CCDC178: variants seen among roughly 807,000 people sequenced by gnomAD.
CCDC178 encodes coiled-coil domain-containing protein 178.
A neutral mutation model predicts 117.4 loss-of-function variants in CCDC178; 126 were observed. The observed-to-expected ratio is 1.07, with a 90% CI of 0.93 to 1.24. The LOEUF (loss-of-function observed/expected upper bound fraction) is 1.24. Among genes scored for constraint, CCDC178 ranks in the 50% most tolerant of loss-of-function variants. The pLI, the probability that CCDC178 is intolerant of heterozygous loss-of-function variation, is 0.00. For synonymous variants in CCDC178, 283 were observed against 313.4 expected (o/e 0.90, Z 1.02); for missense variants, 1,030 against 986.9 (o/e 1.04, Z -0.59).
At chr18:32,940,919 T>A (rs576643694) in intron 22 of CCDC178, among the ~76,000 whole-genome samples, 1 of 152,038 alleles carries the variant, frequency 6.6e-6, no homozygotes, top group Non-Finnish European at 1.5e-5. Context: ...AAGAACGTTC[T>A]TGAGGTGCTC....
chr18:33,025,387 AATG>A (rs2056206992), intron 21 of CCDC178, among the ~76,000 whole-genome samples: 1 of 152,212 alleles, frequency 6.6e-6, no homozygotes, highest in Admixed American at 6.5e-5. Flanking sequence ...AGAAGGAAGA[AATG>A]ATAAGTTGGA....
At chr18:33,175,939 A>G (rs1337237543) in intron 20 of CCDC178, among the ~76,000 whole-genome samples, 3 of 151,832 alleles carry the variant, frequency 2.0e-5, no homozygotes, top group Non-Finnish European at 4.4e-5. Context: ...ACTTTTTCAT[A>G]CTCTTCATAG....
In CCDC178 at chr18:33,267,257, T is replaced by C. The variant is rs2059830585; in HGVS notation, c.1217A>G (p.Lys406Arg). 41 of 1,606,070 alleles carry C rather than the reference T, an allele frequency of 2.6e-5. No individual in the cohort carries two copies. Among genetic ancestry groups the C allele is most frequent in the Non-Finnish European group, 3.5e-5 (41 of 1,177,350 alleles). Reference protein sequence around the residue: ...LRRVYDQLTWKQKSHENQYLE... With the variant: ...LRRVYDQLTWRQKSHENQYLE... ...ATACTGATTTTCATGACTTTTTTGC[T>C]TCCAGGTTAGTTGGTCATAAACTCT... The change falls in exon 13 of 23, where the codon AAG becomes AGG. Residue 406 changes from lysine (K) to arginine (R), a missense_variant. Physicochemically the swap from Lys to Arg is conservative, Grantham distance 26. Transcript: ENST00000383096.
chr18:33,073,142 T>A (rs2145003406), intron 21 of CCDC178, among the ~76,000 whole-genome samples: 1 of 151,700 alleles, frequency 6.6e-6, no homozygotes, highest in East Asian at 1.9e-4. Context: ...CATTTTTATA[T>A]CATAAAATAA....
chr18:33,212,015 G>A lies in CCDC178; in HGVS notation c.2119C>T (p.Gln707Ter), dbSNP rs2144590504. The change falls in exon 20 of 23, where the codon CAA (glutamine) becomes TAA (stop). Residue 707 changes from glutamine to a stop codon, truncating the protein, a stop_gained. Coordinates refer to ENST00000383096, the MANE Select transcript of CCDC178 (RefSeq NM_001105528.4). LOFTEE classifies it high-confidence loss of function. Reference sequence around the variant, plus strand: ...TGCATATAATGATCAAACACAGTTTGTGCATGTTCCCTTTTAAATCTCATA... The same window carrying A: ...TGCATATAATGATCAAACACAGTTTATGCATGTTCCCTTTTAAATCTCATA... ...ITMRFKREHA[Q>*]TVFDHYMQEK... The A allele has an allele frequency of 6.2e-7, 1 of 1,600,336 alleles. No homozygotes were observed. The highest frequency in any genetic ancestry group is 8.5e-7 in the Non-Finnish European group (1 of 1,174,670).
intron 20 of CCDC178, among the ~76,000 whole-genome samples, chr18:33,172,869 C>G (rs271467): frequency 0.089 from 13,596 of 152,072 alleles, 728 homozygotes; most frequent in African/African-American, 0.15. Context: ...ACATTTAGGT[C>G]TTTCTATCTT....
At chr18:33,229,553 CAGAG>C (rs1465791197) in intron 15 of CCDC178, among the ~76,000 whole-genome samples, 1 of 152,106 alleles carries the variant, frequency 6.6e-6, no homozygotes, top group Non-Finnish European at 1.5e-5. Flanking sequence ...GGAAAACTGA[CAGAG>C]AGATTACATA....
chr18:33,361,383 A>G (rs2063125775), intron 6 of CCDC178, among the ~76,000 whole-genome samples: 1 of 151,734 alleles, frequency 6.6e-6, no homozygotes, highest in Non-Finnish European at 1.5e-5. Context: ...AAGCCATAAA[A>G]CTCCTAGAAA....
intron 2 of CCDC178, among the ~76,000 whole-genome samples, chr18:33,417,533 T>TAC (rs1491256125): frequency 2.5e-5 from 1 of 39,448 alleles, no homozygotes; most frequent in African/African-American, 6.9e-5. Flanking sequence ...CACAGAGCTG[T>TAC]ATACACACAC....
chr18:33,086,907 A>G (rs1042682507), intron 21 of CCDC178, among the ~76,000 whole-genome samples: 1 of 151,512 alleles, frequency 6.6e-6, no homozygotes, highest in African/African-American at 2.4e-5. Context: ...AGGCAACCAA[A>G]AATGTCTCCG....
At chr18:32,995,803 A>G (rs1293196953) in intron 21 of CCDC178, among the ~76,000 whole-genome samples, 1 of 152,058 alleles carries the variant, frequency 6.6e-6, no homozygotes, top group Non-Finnish European at 1.5e-5. Flanking sequence ...CAAATTAGAA[A>G]AGCATAAAAA....
chr18:33,149,527 C>T (rs1297764363), intron 20 of CCDC178, among the ~76,000 whole-genome samples: 1 of 152,092 alleles, frequency 6.6e-6, no homozygotes, highest in Non-Finnish European at 1.5e-5. Flanking sequence ...TGTCATCTAC[C>T]AACACTATCA....
At chr18:33,075,507 C>G (rs189948312) in intron 21 of CCDC178, among the ~76,000 whole-genome samples, 4 of 151,988 alleles carry the variant, frequency 2.6e-5, no homozygotes, top group Non-Finnish European at 4.4e-5. Flanking sequence ...ATTTCCATAT[C>G]AAAACATTTT....
chr18:33,060,184 T>C (rs182676542), intron 21 of CCDC178, among the ~76,000 whole-genome samples: 106 of 152,278 alleles, frequency 7.0e-4, no homozygotes, highest in African/African-American at 2.3e-3. Context: ...GTATTATTTA[T>C]GAACAAAAGC....
At chr18:33,024,628 T>C (rs1051697762) in intron 21 of CCDC178, among the ~76,000 whole-genome samples, 13 of 151,858 alleles carry the variant, frequency 8.6e-5, no homozygotes, top group African/African-American at 3.1e-4. Flanking sequence ...ATAGGAACAC[T>C]TATTTATTAT....
chr18:33,290,586 T>A (rs960297667), intron 12 of CCDC178, among the ~76,000 whole-genome samples: 2 of 152,050 alleles, frequency 1.3e-5, no homozygotes, highest in South Asian at 4.1e-4. Context: ...TAACAAAAAA[T>A]TTTAAATAAA....
intron 20 of CCDC178, among the ~76,000 whole-genome samples, chr18:33,171,630 G>T (rs1376805795): frequency 6.6e-6 from 1 of 152,168 alleles, no homozygotes; most frequent in Non-Finnish European, 1.5e-5. Context: ...TGCCTGTGCT[G>T]TAAATTATAG....
intron 15 of CCDC178, among the ~76,000 whole-genome samples, chr18:33,237,288 A>T (rs1284004840): frequency 6.6e-6 from 1 of 152,038 alleles, no homozygotes. Flanking sequence ...CTCCACCCCC[A>T]GCACTTCCAT....
chr18:33,040,280 A>T (rs1200404917), intron 21 of CCDC178, among the ~76,000 whole-genome samples: 1 of 152,004 alleles, frequency 6.6e-6, no homozygotes, highest in Admixed American at 6.6e-5. Flanking sequence ...CATATATATA[A>T]AACTAAGGGT....
Sources: gnomAD v4.1 joint callset for allele counts (sites outside exome capture counted in the v4.1 genomes callset) on GRCh38, gnomAD v4.1.1 for gene constraint, MANE v1.5 for transcripts, NCBI Gene and HGNC (gene_info 2026-07-23, HGNC 2026-07-21) for gene names.